TAFA2: variants seen among roughly 807,000 people sequenced by gnomAD.
TAFA2 encodes chemokine-like protein TAFA-2.
A neutral mutation model predicts 18.8 loss-of-function variants in TAFA2; 7 were observed. The ratio of observed to expected loss-of-function variants is 0.37; its 90% CI spans 0.21 to 0.70. TAFA2 has a LOEUF of 0.70. Ranked by LOEUF, TAFA2 falls within the 30% of genes least tolerant of loss-of-function variation. The probability of loss-of-function intolerance (pLI) is 0.53; values close to 1 mark genes in which losing one functional copy is unlikely to be tolerated. For synonymous variants in TAFA2, 60 were observed against 54.2 expected, an observed-to-expected ratio of 1.11 and a Z score of -0.47; for missense variants, 122 against 158.1, an observed-to-expected ratio of 0.77 and a Z score of 1.23.
intron 1 of TAFA2, among the ~76,000 whole-genome samples, chr12:62,107,851 G>A (rs1225660071): frequency 6.6e-6 from 1 of 152,042 alleles, no homozygotes; most frequent in African/African-American, 2.4e-5. Context: ...ATTAGTATCT[G>A]CAAGAGGCCA....
In TAFA2 at chr12:61,873,012, C is replaced by A. The variant is rs372385755; in HGVS notation, c.-1-5586G>T. ...ATGTAATTTCCATGAGAGCAGAGATCCTGCCTGTAAGTCACTGCTCTAGCA... is the reference window on the plus strand; with the variant it reads ...ATGTAATTTCCATGAGAGCAGAGATACTGCCTGTAAGTCACTGCTCTAGCA... On this transcript the variant is annotated intron_variant, in intron 1 of 4. Coordinates refer to ENST00000416284, the MANE Select transcript of TAFA2 (RefSeq NM_178539.5). Among the ~76,000 whole-genome samples, 4 of 152,324 alleles carry A rather than the reference C, an allele frequency of 2.6e-5. 1 individual carries two copies. Among genetic ancestry groups the A allele is most frequent in the African/African-American group, 9.6e-5 (4 of 41,570 alleles).
At chr12:61,802,984 T>G (rs1427896912) in intron 2 of TAFA2, among the ~76,000 whole-genome samples, 1 of 151,988 alleles carries the variant, frequency 6.6e-6, no homozygotes. Flanking sequence ...TGTTCAATAC[T>G]GCAAGCAATA....
chr12:62,206,553 G>A (rs915234964), intron 1 of TAFA2, among the ~76,000 whole-genome samples: 2 of 148,552 alleles, frequency 1.3e-5, no homozygotes, highest in African/African-American at 5.2e-5. Flanking sequence ...TTTGAGACAG[G>A]TTCTCACTCC....
At chr12:62,216,674 T>A (rs561013915) in intron 1 of TAFA2, among the ~76,000 whole-genome samples, 1 of 152,336 alleles carries the variant, frequency 6.6e-6, no homozygotes, top group African/African-American at 2.4e-5. Flanking sequence ...AAACGCTTTA[T>A]TTTCCAATCT....
chr12:61,779,194 G>C (rs1413366273), intron 2 of TAFA2, among the ~76,000 whole-genome samples: 1 of 151,828 alleles, frequency 6.6e-6, no homozygotes, highest in Admixed American at 6.6e-5. Flanking sequence ...ATGCTTAAAA[G>C]ATAGTCTGAG....
At chr12:62,248,162 C>T (rs748364048) in intron 1 of TAFA2, among the ~76,000 whole-genome samples, 25 of 152,202 alleles carry the variant, frequency 1.6e-4, no homozygotes, top group Non-Finnish European at 3.2e-4. Context: ...CACACATGAG[C>T]TGAAGAGGCC....
chr12:61,868,517 C>A (rs992617569), intron 1 of TAFA2, among the ~76,000 whole-genome samples: 1 of 152,126 alleles, frequency 6.6e-6, no homozygotes, highest in Non-Finnish European at 1.5e-5. Flanking sequence ...TTCCTGGGGT[C>A]ACTTCCTGAT....
At chr12:61,752,843 G>A (rs1425154547) in intron 4 of TAFA2, among the ~76,000 whole-genome samples, 1 of 151,784 alleles carries the variant, frequency 6.6e-6, no homozygotes, top group Non-Finnish European at 1.5e-5. Flanking sequence ...CCATTACTCT[G>A]TTCTATTCTT....
chr12:62,043,650 C>A (rs1399705156), intron 1 of TAFA2, among the ~76,000 whole-genome samples: 5 of 151,976 alleles, frequency 3.3e-5, no homozygotes, highest in Non-Finnish European at 5.9e-5. Context: ...ATTATGGTAA[C>A]TGAATCTCAA....
intron 1 of TAFA2, among the ~76,000 whole-genome samples, chr12:61,886,068 G>T (rs1875363081): frequency 6.6e-6 from 1 of 152,140 alleles, no homozygotes; most frequent in Non-Finnish European, 1.5e-5. Context: ...CAAATAATTG[G>T]TTAATAGGCT....
At chr12:61,961,052 G>GT (rs756944741) in intron 1 of TAFA2, among the ~76,000 whole-genome samples, 23 of 152,008 alleles carry the variant, frequency 1.5e-4, no homozygotes, top group Non-Finnish European at 2.8e-4. Context: ...CGCCATGATT[G>GT]TAAGTTTCCT....
At chr12:61,722,197 A>T (rs78329571) in intron 4 of TAFA2, among the ~76,000 whole-genome samples, 2,686 of 152,246 alleles carry the variant, frequency 0.018, 27 homozygotes, top group Non-Finnish European at 0.028. Context: ...CATAAATTTG[A>T]GAGGTTGGAA....
chr12:62,100,580 T>G (rs1469422886), intron 1 of TAFA2, among the ~76,000 whole-genome samples: 1 of 152,210 alleles, frequency 6.6e-6, no homozygotes, highest in Admixed American at 6.5e-5. Flanking sequence ...AATCTTGTTA[T>G]AGCCTATATC....
At chr12:61,851,797 A>AAAAAAAAAAAAAAAAAAAAG in intron 2 of TAFA2, among the ~76,000 whole-genome samples, 1 of 132,892 alleles carries the variant, frequency 7.5e-6, no homozygotes, top group African/African-American at 3.3e-5. Context: ...AAAAAAAAAA[A>AAAAAAAAAAAAAAAAAAAAG]AAAAAAAAAA....
intron 1 of TAFA2, among the ~76,000 whole-genome samples, chr12:62,032,999 CTCT>C (rs1881501369): frequency 6.6e-6 from 1 of 152,088 alleles, no homozygotes; most frequent in South Asian, 2.1e-4. Flanking sequence ...AAACCGCAAC[CTCT>C]TCTTCTCCCC....
chr12:62,001,811 T>A (rs1251476802), intron 1 of TAFA2, among the ~76,000 whole-genome samples: 1 of 152,052 alleles, frequency 6.6e-6, no homozygotes, highest in Admixed American at 6.5e-5. Context: ...AATCAAAAAA[T>A]TATAACTACA....
intron 1 of TAFA2, among the ~76,000 whole-genome samples, chr12:62,143,265 C>A (rs192443772): frequency 4.2e-4 from 64 of 152,260 alleles, no homozygotes; most frequent in Admixed American, 1.8e-3. Context: ...AAAATGCTAA[C>A]CCCCTTCAGC....
intron 1 of TAFA2, among the ~76,000 whole-genome samples, chr12:62,025,441 A>G (rs1476206246): frequency 2.6e-5 from 4 of 152,178 alleles, no homozygotes; most frequent in African/African-American, 9.6e-5. Context: ...AAAATAAGCA[A>G]ATAAATGAAA....
At chr12:61,824,404 A>C (rs1212521788) in intron 2 of TAFA2, among the ~76,000 whole-genome samples, 2 of 152,214 alleles carry the variant, frequency 1.3e-5, no homozygotes, top group Non-Finnish European at 2.9e-5. Flanking sequence ...ATATGGCAAT[A>C]GGTAACTAAT....
Sources: gnomAD v4.1 joint callset for allele counts (sites outside exome capture counted in the v4.1 genomes callset) on GRCh38, gnomAD v4.1.1 for gene constraint, MANE v1.5 for transcripts, NCBI Gene and HGNC (gene_info 2026-07-23, HGNC 2026-07-21) for gene names.